OPCML: variants seen among roughly 807,000 people sequenced by gnomAD.
OPCML encodes the protein opioid binding protein/cell adhesion molecule like.
Under a neutral mutation model 37.8 loss-of-function variants are expected in OPCML, and 13 were observed. The ratio of observed to expected loss-of-function variants is 0.34; its 90% CI spans 0.22 to 0.55. The LOEUF (loss-of-function observed/expected upper bound fraction) is 0.55, where lower values mean the gene tolerates loss of function less well. Among genes scored for constraint, OPCML ranks in the 20% least tolerant of loss-of-function variants. OPCML has a pLI of 0.91. For missense variants in OPCML, 341 were observed against 435.6 expected, an observed-to-expected ratio of 0.78 and a Z score of 1.93; for synonymous variants, 176 against 168.8, an observed-to-expected ratio of 1.04 and a Z score of -0.33.
At chr11:132,849,837 C>T (rs890617755) in intron 2 of OPCML, among the ~76,000 whole-genome samples, 17 of 152,134 alleles carry the variant, frequency 1.1e-4, no homozygotes, top group Admixed American at 8.5e-4. Flanking sequence ...GGCCACACAC[C>T]GGGCAGGCAT....
At chr11:132,549,799 A>G (rs954172500) in intron 3 of OPCML, among the ~76,000 whole-genome samples, 1 of 152,184 alleles carries the variant, frequency 6.6e-6, no homozygotes, top group Admixed American at 6.5e-5. Context: ...CCCATGTGCT[A>G]TATAAACATC....
At chr11:132,918,225 G>T (rs61034549) in intron 2 of OPCML, among the ~76,000 whole-genome samples, 173 of 152,078 alleles carry the variant, frequency 1.1e-3, no homozygotes, top group Non-Finnish European at 2.0e-3. Flanking sequence ...TGTTTATTGA[G>T]GAATAACATT....
chr11:132,767,341 T>C (rs538714170), intron 2 of OPCML, among the ~76,000 whole-genome samples: 1 of 152,336 alleles, frequency 6.6e-6, no homozygotes, highest in East Asian at 1.9e-4. Flanking sequence ...AATAGCCTTA[T>C]TTTACACATG....
At chr11:132,973,932 C>T (rs1485843073) in intron 1 of OPCML, among the ~76,000 whole-genome samples, 1 of 151,886 alleles carries the variant, frequency 6.6e-6, no homozygotes, top group East Asian at 1.9e-4. Context: ...CTAGCCTACC[C>T]CTTACCAAGC....
intron 1 of OPCML, among the ~76,000 whole-genome samples, chr11:133,110,517 C>T (rs180914621): frequency 3.3e-5 from 5 of 151,972 alleles, no homozygotes; most frequent in Non-Finnish European, 7.4e-5. Context: ...ACTAGCTTGC[C>T]ATGTTAGTGA....
chr11:132,553,415 G>A (rs1218651038), intron 3 of OPCML, among the ~76,000 whole-genome samples: 1 of 152,166 alleles, frequency 6.6e-6, no homozygotes, highest in Non-Finnish European at 1.5e-5. Flanking sequence ...AAAAAGAAAG[G>A]GAGAGTGTGC....
intron 1 of OPCML, among the ~76,000 whole-genome samples, chr11:133,144,388 T>C (rs1949868777): frequency 6.6e-6 from 1 of 152,210 alleles, no homozygotes; most frequent in South Asian, 2.1e-4. Context: ...GGTTGCCTTT[T>C]GACCCTCTTC....
intron 1 of OPCML, among the ~76,000 whole-genome samples, chr11:133,387,700 A>G (rs1204618738): frequency 6.6e-6 from 1 of 152,226 alleles, no homozygotes; most frequent in Admixed American, 6.5e-5. Context: ...CAGGATGAAT[A>G]AAACAGGCAA....
At chr11:133,440,887 A>G (rs1399105440) in intron 1 of OPCML, among the ~76,000 whole-genome samples, 1 of 149,668 alleles carries the variant, frequency 6.7e-6, no homozygotes, top group Admixed American at 6.7e-5. Flanking sequence ...ACAAAAGACC[A>G]CTTTCCATAT....
chr11:132,827,450 A>G (rs1940421384), intron 2 of OPCML, among the ~76,000 whole-genome samples: 1 of 152,196 alleles, frequency 6.6e-6, no homozygotes, highest in Non-Finnish European at 1.5e-5. Context: ...ACTCTCATTC[A>G]TTGCTGATGG....
intron 1 of OPCML, among the ~76,000 whole-genome samples, chr11:132,987,622 T>A (rs774456447): frequency 1.1e-4 from 17 of 152,148 alleles, no homozygotes; most frequent in Non-Finnish European, 2.2e-4. Flanking sequence ...AGTTGGAGAA[T>A]GTATTTTAGG....
intron 1 of OPCML, among the ~76,000 whole-genome samples, chr11:133,158,712 A>AAAAAAAAAAT (rs1555105905): frequency 3.0e-5 from 4 of 134,256 alleles, no homozygotes; most frequent in East Asian, 2.1e-4. Context: ...ATAAAATTAA[A>AAAAAAAAAAT]AAAATAAAAT....
chr11:133,110,043 T>C (rs1458406955), intron 1 of OPCML, among the ~76,000 whole-genome samples: 1 of 152,094 alleles, frequency 6.6e-6, no homozygotes, highest in Non-Finnish European at 1.5e-5. Context: ...GCCGCAGAAA[T>C]CTGGTGAGCA....
At chr11:132,595,308 T>C (rs2096490817) in intron 3 of OPCML, among the ~76,000 whole-genome samples, 1 of 152,134 alleles carries the variant, frequency 6.6e-6, no homozygotes, top group Non-Finnish European at 1.5e-5. Flanking sequence ...GTAATAATAA[T>C]AATATTTCTA....
intron 2 of OPCML, among the ~76,000 whole-genome samples, chr11:132,887,942 AG>A (rs2136450833): frequency 6.6e-6 from 1 of 152,312 alleles, no homozygotes; most frequent in African/African-American, 2.4e-5. Context: ...GGCCAGGCCA[AG>A]GGCTGGTCTC....
chr11:133,420,432 T>A (rs761915546), intron 1 of OPCML: 338 of 985,358 alleles, frequency 3.4e-4, no homozygotes, highest in Non-Finnish European at 3.9e-4. Flanking sequence ...CAGTTGAATT[T>A]CAGTTTGTTT....
chr11:133,472,569 G>A (rs898096672), intron 1 of OPCML, among the ~76,000 whole-genome samples: 2 of 151,612 alleles, frequency 1.3e-5, no homozygotes, highest in Non-Finnish European at 1.5e-5. Context: ...TTAGGGGATC[G>A]AGGAGCTCTC....
intron 1 of OPCML, among the ~76,000 whole-genome samples, chr11:133,313,640 G>A (rs1326502419): frequency 6.6e-6 from 1 of 152,082 alleles, no homozygotes; most frequent in East Asian, 1.9e-4. Flanking sequence ...TATAATATTG[G>A]CTTTGGATAT....
At chr11:132,671,137 G>A (rs1328056042) in intron 2 of OPCML, among the ~76,000 whole-genome samples, 2 of 152,086 alleles carry the variant, frequency 1.3e-5, no homozygotes, top group African/African-American at 4.8e-5. Flanking sequence ...ACAGACAGAT[G>A]GGCAGGGACA....
Sources: gnomAD v4.1 joint callset for allele counts (sites outside exome capture counted in the v4.1 genomes callset) on GRCh38, gnomAD v4.1.1 for gene constraint, MANE v1.5 for transcripts, NCBI Gene and HGNC (gene_info 2026-07-23, HGNC 2026-07-21) for gene names.